Variants in LAMA2 observed in about 807,000 individuals in gnomAD.
LAMA2 encodes the protein laminin subunit alpha 2.
Under a neutral mutation model 364.8 loss-of-function variants are expected in LAMA2, and 269 were observed. That is an observed-to-expected ratio of 0.74 (90% CI 0.67 to 0.82). The LOEUF is 0.82. LAMA2 is among the 40% of genes least tolerant of loss of function. The pLI is 0.00. For missense variants in LAMA2, 3,807 were observed against 3,873.2 expected (o/e 0.98, Z 0.45); for synonymous variants, 1,379 against 1,370.6 (o/e 1.01, Z -0.14).
At chr6:128,947,144 A>G (rs1336318848) in intron 1 of LAMA2, among the ~76,000 whole-genome samples, 1 of 152,212 alleles carries the variant, frequency 6.6e-6, no homozygotes, top group Non-Finnish European at 1.5e-5. Flanking sequence ...CCTGTACCAA[A>G]TGGTATGCCA....
At chr6:129,366,773 T>C (rs1777801808) in intron 33 of LAMA2, among the ~76,000 whole-genome samples, 1 of 152,190 alleles carries the variant, frequency 6.6e-6, no homozygotes. Context: ...GCAACAAGAA[T>C]AGGATATTGA....
At chr6:129,399,473 G>C (rs975881937) in intron 37 of LAMA2, among the ~76,000 whole-genome samples, 3 of 152,174 alleles carry the variant, frequency 2.0e-5, no homozygotes, top group African/African-American at 4.8e-5. Context: ...AGTAGGGAGG[G>C]ACTAAACATT....
chr6:129,039,597 C>T (rs1159631247), intron 1 of LAMA2, among the ~76,000 whole-genome samples: 9 of 152,176 alleles, frequency 5.9e-5, no homozygotes, highest in Non-Finnish European at 1.3e-4. Flanking sequence ...CGCAGGAAGA[C>T]TAGGAAGGGC....
rs190780032 is a variant in LAMA2, at chr6:129,090,531, A to C, written c.397-7642A>C. On this transcript the variant is annotated intron_variant, in intron 3 of 64. Coordinates refer to ENST00000421865, the MANE Select transcript of LAMA2 (RefSeq NM_000426.4). ...CATACTGCATTTGTTCGATATATCTAGGTCTCTCAATCAATAACATTTTAA... is the reference window on the plus strand; with the variant it reads ...CATACTGCATTTGTTCGATATATCTCGGTCTCTCAATCAATAACATTTTAA... Among the ~76,000 whole-genome samples the C allele has an allele frequency of 5.0e-3, 759 of 152,320 alleles. 7 individuals are homozygous for C. Among genetic ancestry groups the C allele is most frequent in the African/African-American group, 0.017 (718 of 41,562 alleles).
intron 1 of LAMA2, among the ~76,000 whole-genome samples, chr6:128,938,889 A>T (rs1472509114): frequency 2.0e-5 from 3 of 152,130 alleles, no homozygotes; most frequent in Non-Finnish European, 4.4e-5. Flanking sequence ...CTTGATCCAA[A>T]AACCTAACAA....
chr6:129,227,142 A>C (rs1289420118), intron 12 of LAMA2, among the ~76,000 whole-genome samples: 1 of 152,008 alleles, frequency 6.6e-6, no homozygotes, highest in Non-Finnish European at 1.5e-5. Context: ...AGGCTTGTGC[A>C]TTTGTCAGGT....
At chr6:129,305,378 G>A (rs928070410) in intron 22 of LAMA2, among the ~76,000 whole-genome samples, 4 of 151,044 alleles carry the variant, frequency 2.6e-5, no homozygotes, top group Non-Finnish European at 1.5e-5. Context: ...AGGCTAGAGT[G>A]CAGTGGTGTG....
intron 61 of LAMA2, 27 bp downstream of exon 61, chr6:129,505,382 C>T: frequency 6.3e-7 from 1 of 1,576,090 alleles, no homozygotes; most frequent in Non-Finnish European, 8.7e-7. Flanking sequence ...TTCTTTATTA[C>T]TTAAATATAT....
intron 22 of LAMA2, among the ~76,000 whole-genome samples, chr6:129,309,901 C>CTTTTTTTTTTTTTTTTTT (rs1562443403): frequency 1.5e-5 from 2 of 133,682 alleles, no homozygotes; most frequent in African/African-American, 6.1e-5. Context: ...TCCTGATAAT[C>CTTTTTTTTTTTTTTTTTT]ATTTTTTTTT....
chr6:129,182,556 C>A (rs1032222042), intron 10 of LAMA2, among the ~76,000 whole-genome samples: 5 of 151,632 alleles, frequency 3.3e-5, no homozygotes, highest in Admixed American at 3.3e-4. Context: ...AATAGATCTT[C>A]ATGTATAAAC....
At chr6:129,407,616 G>T (rs115185672) in intron 40 of LAMA2, among the ~76,000 whole-genome samples, 3,388 of 152,320 alleles carry the variant, frequency 0.022, 40 homozygotes, top group Middle Eastern at 0.061. Flanking sequence ...CCACGTGGTT[G>T]TAGCTGGTAT....
In LAMA2 at chr6:129,460,197, C is replaced by G; in HGVS notation, c.6868-3C>G. On this transcript the variant is annotated splice_polypyrimidine_tract_variant and splice_region_variant and intron_variant, in intron 48 of 64. Coordinates refer to ENST00000421865, the MANE Select transcript of LAMA2 (RefSeq NM_000426.4). ...TAGCAAATAACGGTATTTCTTTCTG[C>G]AGAAGGCTGATGCTGTACGTGTGAT... 6.2e-7 allele frequency: 1 copy of G among 1,611,646 alleles called. No individual in the cohort carries two copies.
At chr6:129,409,747 C>T (rs1284112424) in intron 40 of LAMA2, among the ~76,000 whole-genome samples, 1 of 152,198 alleles carries the variant, frequency 6.6e-6, no homozygotes, top group Non-Finnish European at 1.5e-5. Flanking sequence ...CCATTGACAC[C>T]TCAAGGACTA....
intron 1 of LAMA2, among the ~76,000 whole-genome samples, chr6:129,019,531 T>A (rs1266692737): frequency 1.3e-5 from 2 of 151,932 alleles, no homozygotes; most frequent in African/African-American, 4.8e-5. Context: ...TTTTAAAAGA[T>A]TTGTATTTTT....
At chr6:128,951,856 C>T (rs922086728) in intron 1 of LAMA2, among the ~76,000 whole-genome samples, 3 of 152,140 alleles carry the variant, frequency 2.0e-5, no homozygotes, top group Admixed American at 2.0e-4. Flanking sequence ...GTAAACCAAG[C>T]CTCAACACTC....
chr6:128,891,015 T>C (rs1293471778), intron 1 of LAMA2, among the ~76,000 whole-genome samples: 3 of 152,110 alleles, frequency 2.0e-5, no homozygotes. Context: ...GGTGTATTTG[T>C]GTATGTATGT....
intron 35 of LAMA2, among the ~76,000 whole-genome samples, chr6:129,390,331 C>T (rs1779252611): frequency 6.6e-6 from 1 of 151,972 alleles, no homozygotes; most frequent in African/African-American, 2.4e-5. Context: ...TAGGGGACCA[C>T]ATTTTAGAAC....
At chr6:128,883,399 A>G (rs1261205789) in intron 1 of LAMA2, 42 bp downstream of exon 1, 5 of 1,552,806 alleles carry the variant, frequency 3.2e-6, no homozygotes, top group Non-Finnish European at 4.3e-6. Context: ...CTTTGCCGGG[A>G]CCGAGATTCC....
chr6:129,018,236 A>C (rs1229259556), intron 1 of LAMA2, among the ~76,000 whole-genome samples: 1 of 152,100 alleles, frequency 6.6e-6, no homozygotes, highest in Non-Finnish European at 1.5e-5. Context: ...AAAGACATTA[A>C]AAAGACTTTA....
Sources: gnomAD v4.1 joint callset for allele counts (sites outside exome capture counted in the v4.1 genomes callset) on GRCh38, gnomAD v4.1.1 for gene constraint, MANE v1.5 for transcripts, NCBI Gene and HGNC (gene_info 2026-07-23, HGNC 2026-07-21) for gene names.